Variants in MEGF11 observed in about 807,000 individuals in gnomAD.
MEGF11 encodes multiple epidermal growth factor-like domains protein 11.
Under a neutral mutation model 146.6 loss-of-function variants are expected in MEGF11, and 126 were observed. The ratio of observed to expected loss-of-function variants is 0.86; its 90% CI spans 0.74 to 1.00. The LOEUF is 1.00. MEGF11 is among the 50% of genes least tolerant of loss of function. The probability of loss-of-function intolerance (pLI) is 0.00; values close to 1 mark genes in which losing one functional copy is unlikely to be tolerated. For missense variants in MEGF11, 1,509 were observed against 1,521.2 expected, an observed-to-expected ratio of 0.99 and a Z score of 0.13; for synonymous variants, 532 against 583.4, an observed-to-expected ratio of 0.91 and a Z score of 1.27.
intron 23 of MEGF11, 58 bp downstream of exon 23, chr15:65,908,976 G>A: frequency 9.1e-7 from 1 of 1,093,728 alleles, no homozygotes; most frequent in South Asian, 1.3e-5. Context: ...ATGGGGATTA[G>A]GGCAGGTGCT....
At chr15:65,967,457 C>A (rs1299767975) in intron 8 of MEGF11, among the ~76,000 whole-genome samples, 1 of 152,080 alleles carries the variant, frequency 6.6e-6, no homozygotes, top group Non-Finnish European at 1.5e-5. Context: ...AAAAATACAG[C>A]TCTAACTTCT....
At chr15:66,195,825 G>A (rs539595028) in intron 1 of MEGF11, among the ~76,000 whole-genome samples, 6 of 152,320 alleles carry the variant, frequency 3.9e-5, no homozygotes, top group Admixed American at 6.5e-5. Flanking sequence ...AATGAGCCGC[G>A]GTGGGGCCCT....
intron 1 of MEGF11, among the ~76,000 whole-genome samples, chr15:66,198,352 C>T (rs915786045): frequency 2.0e-5 from 3 of 152,248 alleles, no homozygotes; most frequent in Non-Finnish European, 4.4e-5. Context: ...TCTACCATTT[C>T]TCTGATCGCG....
intron 13 of MEGF11, among the ~76,000 whole-genome samples, chr15:65,927,492 C>G (rs962784897): frequency 6.6e-6 from 1 of 152,178 alleles, no homozygotes; most frequent in African/African-American, 2.4e-5. Context: ...TGTCATTGAA[C>G]TCTGATTTAA....
At position 65,928,410 on chromosome 15, in the gene MEGF11, G is replaced by C; in HGVS notation, c.1675+15C>G. On this transcript the variant is annotated intron_variant, in intron 13 of 25. Transcript: ENST00000395614. ...TTCACAGTACCTGGGTGGTGGCACA[G>C]CAAGGGAAGGTTACCTGTCCATCCG... The C allele has an allele frequency of 6.4e-7, 1 of 1,565,746 alleles. No homozygotes were observed. The highest frequency in any genetic ancestry group is 8.7e-7 in the Non-Finnish European group (1 of 1,148,740).
chr15:66,060,949 C>T (rs1202704355), intron 5 of MEGF11, among the ~76,000 whole-genome samples: 1 of 152,236 alleles, frequency 6.6e-6, no homozygotes, highest in Non-Finnish European at 1.5e-5. Flanking sequence ...GCCCAGGACC[C>T]ATGGCGTTGG....
intron 5 of MEGF11, among the ~76,000 whole-genome samples, chr15:66,014,986 T>C (rs1395265627): frequency 6.6e-6 from 1 of 152,168 alleles, no homozygotes; most frequent in African/African-American, 2.4e-5. Context: ...AAGTCCTGAT[T>C]TGTAGCATTT....
chr15:66,240,375 G>A (rs1270012990), intron 1 of MEGF11, among the ~76,000 whole-genome samples: 1 of 152,248 alleles, frequency 6.6e-6, no homozygotes, highest in East Asian at 1.9e-4. Context: ...GAAGGCAAAA[G>A]CAGCCAAGGT....
At chr15:66,103,767 G>A (rs2086933637) in intron 4 of MEGF11, among the ~76,000 whole-genome samples, 1 of 152,182 alleles carries the variant, frequency 6.6e-6, no homozygotes, top group Non-Finnish European at 1.5e-5. Context: ...AAGTAGAACA[G>A]CACATCGTAG....
intron 1 of MEGF11, among the ~76,000 whole-genome samples, chr15:66,211,256 G>T (rs184631052): frequency 1.3e-5 from 2 of 152,324 alleles, no homozygotes; most frequent in South Asian, 2.1e-4. Context: ...GGGCTTGGTG[G>T]CTCACGCCTG....
intron 1 of MEGF11, among the ~76,000 whole-genome samples, chr15:66,242,969 G>C (rs1487081093): frequency 6.6e-6 from 1 of 152,096 alleles, no homozygotes; most frequent in Non-Finnish European, 1.5e-5. Context: ...CTGGGTAAAT[G>C]ATCATAAGAG....
At chr15:65,959,091 A>G (rs1321086841) in intron 9 of MEGF11, among the ~76,000 whole-genome samples, 1 of 152,186 alleles carries the variant, frequency 6.6e-6, no homozygotes, top group Non-Finnish European at 1.5e-5. Context: ...AAATGAATAC[A>G]GCTTCCTCTA....
chr15:65,930,752 C>CA (rs2079547683), intron 11 of MEGF11, 71 bp downstream of exon 11: 1 of 1,487,766 alleles, frequency 6.7e-7, no homozygotes, highest in South Asian at 1.4e-5. Flanking sequence ...CCTGAGACCC[C>CA]TCAGCTGGCA....
At chr15:65,900,925 GT>G (rs1452409308) in intron 24 of MEGF11, among the ~76,000 whole-genome samples, 1 of 152,214 alleles carries the variant, frequency 6.6e-6, no homozygotes, top group Non-Finnish European at 1.5e-5. Flanking sequence ...CCAGATGCTG[GT>G]TGACTTTTAT....
chr15:66,096,062 C>T (rs1050273571), intron 4 of MEGF11, among the ~76,000 whole-genome samples: 1 of 152,188 alleles, frequency 6.6e-6, no homozygotes, highest in Non-Finnish European at 1.5e-5. Context: ...CAGGACACAC[C>T]AGTGTCCATC....
intron 23 of MEGF11, 32 bp downstream of exon 23, chr15:65,909,002 T>G: frequency 2.2e-6 from 3 of 1,394,002 alleles, no homozygotes; most frequent in Non-Finnish European, 2.9e-6. Flanking sequence ...TGGTCTGGCA[T>G]GAGGGGGTGG....
chr15:66,033,472 G>T (rs1410479492), intron 5 of MEGF11, among the ~76,000 whole-genome samples: 1 of 152,242 alleles, frequency 6.6e-6, no homozygotes, highest in Non-Finnish European at 1.5e-5. Flanking sequence ...GTGCAGCTTT[G>T]GCCATCACTC....
chr15:65,909,420 A>G (rs1389304286), intron 22 of MEGF11, among the ~76,000 whole-genome samples: 1 of 151,996 alleles, frequency 6.6e-6, no homozygotes, highest in Non-Finnish European at 1.5e-5. Context: ...AGCCCTTGAA[A>G]GGAGCACCTT....
chr15:66,103,997 T>G (rs2086948472), intron 4 of MEGF11, among the ~76,000 whole-genome samples: 1 of 152,240 alleles, frequency 6.6e-6, no homozygotes, highest in South Asian at 2.1e-4. Flanking sequence ...GGCAGGTGAT[T>G]TCACTCCTCT....
Sources: allele counts gnomAD v4.1 joint callset (sites outside exome capture counted in the v4.1 genomes callset), GRCh38; gene constraint gnomAD v4.1.1; transcripts MANE v1.5; gene names NCBI Gene and HGNC (gene_info 2026-07-23, HGNC 2026-07-21).